Variants in ADCY2 observed in about 807,000 individuals in gnomAD.
ADCY2 encodes the protein adenylate cyclase type 2.
Under a neutral mutation model 125.2 loss-of-function variants are expected in ADCY2, and 31 were observed. The observed-to-expected ratio is 0.25, with a 90% CI of 0.19 to 0.33. The LOEUF (loss-of-function observed/expected upper bound fraction) is 0.33. Among genes scored for constraint, ADCY2 ranks in the 10% least tolerant of loss-of-function variants. The pLI is 1.00. For synonymous variants in ADCY2, 512 were observed against 548.4 expected, an observed-to-expected ratio of 0.93 and a Z score of 0.93; for missense variants, 904 against 1,418.2, an observed-to-expected ratio of 0.64 and a Z score of 5.82.
intron 3 of ADCY2, among the ~76,000 whole-genome samples, chr5:7,562,677 G>A (rs1735744448): frequency 6.6e-6 from 1 of 152,116 alleles, no homozygotes; most frequent in Admixed American, 6.6e-5. Flanking sequence ...CCTTAGTAGT[G>A]GGAAACAGAC....
rs755413931 is a variant in ADCY2, at chr5:7,772,974, G to A, written c.2257G>A (p.Val753Met). ...CATTCTGGGACTGATATCCTGTTCC[G>A]TGTTCCTGCGGGTAAACTATGAGCT... ...SCILGLISCS[V>M]FLRVNYELKM... The change falls in exon 18 of 25, where the codon GTG (valine) becomes ATG (methionine). Residue 753 changes from valine (V) to methionine (M), a missense_variant. By Grantham distance (21) the Val-to-Met change is conservative (BLOSUM62 1). Coordinates refer to ENST00000338316, the MANE Select transcript of ADCY2 (RefSeq NM_020546.3). 12 of 1,613,990 alleles carry A rather than the reference G, an allele frequency of 7.4e-6. No individual in the cohort carries two copies. The highest frequency in any genetic ancestry group is 3.3e-5 in the Admixed American group (2 of 59,996).
At chr5:7,509,102 C>G (rs997391562) in intron 2 of ADCY2, among the ~76,000 whole-genome samples, 1 of 152,150 alleles carries the variant, frequency 6.6e-6, no homozygotes, top group African/African-American at 2.4e-5. Flanking sequence ...TTTGGGAAAT[C>G]AGTGGACAAG....
intron 20 of ADCY2, chr5:7,795,841 A>G (rs998347489): frequency 1.3e-5 from 2 of 151,484 alleles, no homozygotes; most frequent in African/African-American, 4.9e-5. Context: ...GTATGTTTTA[A>G]GTATTCAATA....
chr5:7,481,125 C>G (rs1457495512), intron 2 of ADCY2, among the ~76,000 whole-genome samples: 1 of 152,180 alleles, frequency 6.6e-6, no homozygotes, highest in Non-Finnish European at 1.5e-5. Context: ...TTCCCTTTCT[C>G]CACATCCTTG....
At chr5:7,609,066 G>A (rs1302331112) in intron 3 of ADCY2, among the ~76,000 whole-genome samples, 2 of 152,126 alleles carry the variant, frequency 1.3e-5, no homozygotes, top group Non-Finnish European at 2.9e-5. Context: ...GGCCAGTCTG[G>A]GAAGGTTTCA....
chr5:7,761,987 T>G (rs1320879291), intron 16 of ADCY2, among the ~76,000 whole-genome samples: 1 of 152,196 alleles, frequency 6.6e-6, no homozygotes, highest in Non-Finnish European at 1.5e-5. Flanking sequence ...TTCTCAAAAA[T>G]CATTCATCAC....
At chr5:7,512,236 A>AAAAAAAAAAAAAAAAAAAAAAAAC (rs1744093956) in intron 2 of ADCY2, among the ~76,000 whole-genome samples, 1 of 145,792 alleles carries the variant, frequency 6.9e-6, no homozygotes, top group Non-Finnish European at 1.5e-5. Flanking sequence ...AAAAAAAAAA[A>AAAAAAAAAAAAAAAAAAAAAAAAC]AAAAGAAAAC....
intron 4 of ADCY2, among the ~76,000 whole-genome samples, chr5:7,660,239 A>ATAAGGAAGGAAGGAAG (rs1554029333): frequency 9.9e-6 from 1 of 101,268 alleles, no homozygotes. Context: ...AGGGAGGGAG[A>ATAAGGAAGGAAGGAAG]GAAGGAAGGA....
At chr5:7,513,106 C>CACACACACACACACAGAGAG (rs777343291) in intron 2 of ADCY2, among the ~76,000 whole-genome samples, 1 of 138,432 alleles carries the variant, frequency 7.2e-6, no homozygotes, top group Non-Finnish European at 1.6e-5. Context: ...CACACACACA[C>CACACACACACACACAGAGAG]AGAGAGAGAG....
chr5:7,549,017 A>G (rs945977042), intron 3 of ADCY2, among the ~76,000 whole-genome samples: 3 of 152,176 alleles, frequency 2.0e-5, no homozygotes, highest in Non-Finnish European at 4.4e-5. Context: ...GGATAATGAT[A>G]CTGAAAAACA....
At chr5:7,418,480 T>C (rs961060898) in intron 2 of ADCY2, among the ~76,000 whole-genome samples, 1 of 152,060 alleles carries the variant, frequency 6.6e-6, no homozygotes, top group Non-Finnish European at 1.5e-5. Flanking sequence ...GCCAGGAGCA[T>C]TGGCAGGGTG....
chr5:7,650,761 G>A (rs537564648), intron 4 of ADCY2, among the ~76,000 whole-genome samples: 2 of 152,318 alleles, frequency 1.3e-5, no homozygotes, highest in South Asian at 4.1e-4. Context: ...TGGAGTAAGG[G>A]TCAATTTAAA....
chr5:7,823,171 C>T (rs1264592291), intron 24 of ADCY2, among the ~76,000 whole-genome samples: 2 of 152,208 alleles, frequency 1.3e-5, no homozygotes, highest in African/African-American at 2.4e-5. Context: ...TATCTGCCTT[C>T]TTTTATTCAG....
intron 18 of ADCY2, among the ~76,000 whole-genome samples, chr5:7,782,552 G>T (rs1743952627): frequency 1.3e-5 from 2 of 152,198 alleles, no homozygotes; most frequent in South Asian, 4.1e-4. Context: ...ATAAATCCTG[G>T]CCTGAGATTT....
At chr5:7,497,613 G>T (rs534981585) in intron 2 of ADCY2, among the ~76,000 whole-genome samples, 1 of 152,122 alleles carries the variant, frequency 6.6e-6, no homozygotes, top group South Asian at 2.1e-4. Flanking sequence ...TCCATAATGA[G>T]GAGAGAGAAA....
In ADCY2 at chr5:7,469,044, C is replaced by T. The variant is rs181325779; in HGVS notation, c.409-51694C>T. Among the ~76,000 whole-genome samples, 98 of 151,868 alleles carry T rather than the reference C, an allele frequency of 6.5e-4. No individual in the cohort carries two copies. The East Asian group carries it at 0.015, about 23-fold the overall frequency. ...CTTTATTTTATTATAGTAATGTAGC[C>T]GTAAGTGAGTGGTTACTTTTATGAC... On this transcript the variant is annotated intron_variant, in intron 2 of 24. Coordinates refer to ENST00000338316, the MANE Select transcript of ADCY2 (RefSeq NM_020546.3).
chr5:7,682,757 C>G (rs1183429756), intron 4 of ADCY2, among the ~76,000 whole-genome samples: 1 of 152,176 alleles, frequency 6.6e-6, no homozygotes. Flanking sequence ...ATGCTGCCAG[C>G]ATTCTTAAGG....
chr5:7,591,395 G>T (rs1736846249), intron 3 of ADCY2, among the ~76,000 whole-genome samples: 1 of 152,128 alleles, frequency 6.6e-6, no homozygotes, highest in African/African-American at 2.4e-5. Flanking sequence ...ACATGAACAG[G>T]ACAGGTGATG....
In ADCY2 at chr5:7,749,374, A is replaced by G. The variant is rs543343852; in HGVS notation, c.1956+5622A>G. On this transcript the variant is annotated intron_variant, in intron 15 of 24. Transcript: ENST00000338316. The stretch of plus-strand genomic sequence containing the variant: ...ACTTTACAAAATGTTTTATACATAT[A>G]ATAGTCCTTCAAAGTATTTTCAGAC... Among the ~76,000 whole-genome samples the G allele has an allele frequency of 6.0e-4, 91 of 152,240 alleles. 1 individual carries two copies. Among genetic ancestry groups the G allele is most frequent in the Non-Finnish European group, 1.1e-3 (73 of 68,036 alleles).
Sources: gnomAD v4.1 joint callset for allele counts (sites outside exome capture counted in the v4.1 genomes callset) on GRCh38, gnomAD v4.1.1 for gene constraint, MANE v1.5 for transcripts, NCBI Gene and HGNC (gene_info 2026-07-23, HGNC 2026-07-21) for gene names.